The following GRIN2A variants were observed in gnomAD, a reference collection of about 807,000 sequenced individuals.
GRIN2A encodes the protein glutamate ionotropic receptor NMDA type subunit 2A.
Under a neutral mutation model 113.4 loss-of-function variants are expected in GRIN2A, and 22 were observed. The observed-to-expected ratio is 0.19, with a 90% confidence interval of 0.14 to 0.28. The LOEUF is 0.28. Among genes scored for constraint, GRIN2A ranks in the 10% least tolerant of loss-of-function variants. The probability of loss-of-function intolerance (pLI) is 1.00; values close to 1 mark genes in which losing one functional copy is unlikely to be tolerated. For synonymous variants in GRIN2A, 827 were observed against 738.4 expected (o/e 1.12, Z -1.94); for missense variants, 1,502 against 1,887.0 (o/e 0.80, Z 3.78).
At chr16:10,168,975 CAATAATAATAATAATAATAAT>C (rs59963663) in intron 2 of GRIN2A, among the ~76,000 whole-genome samples, 12 of 141,550 alleles carry the variant, frequency 8.5e-5, no homozygotes, top group African/African-American at 1.3e-4. Flanking sequence ...CAAATAATAA[CAATAATAATAATAATAATAAT>C]AATAATAATA....
At chr16:9,922,058 C>T (rs189163082) in intron 3 of GRIN2A, among the ~76,000 whole-genome samples, 184 of 152,218 alleles carry the variant, frequency 1.2e-3, no homozygotes, top group Non-Finnish European at 2.0e-3. Context: ...AGACTTTGAT[C>T]TAATTTAAAG....
At chr16:9,772,170 A>T (rs1476944676) in intron 11 of GRIN2A, among the ~76,000 whole-genome samples, 1 of 152,150 alleles carries the variant, frequency 6.6e-6, no homozygotes, top group South Asian at 2.1e-4. Context: ...ACAGCCTCCC[A>T]TGCTTTCGCA....
intron 2 of GRIN2A, among the ~76,000 whole-genome samples, chr16:10,052,293 A>T (rs1221589355): frequency 6.6e-6 from 1 of 152,224 alleles, no homozygotes; most frequent in Non-Finnish European, 1.5e-5. Context: ...TCCTTTAAAG[A>T]CCTGTGGGTT....
At position 10,180,346 on chromosome 16, in the gene GRIN2A, C is replaced by G. The variant is rs777986788; in HGVS notation, c.66G>C (p.Ala22=). 6.2e-7 allele frequency: 1 copy of G among 1,608,270 alleles called. No homozygotes were observed. The highest frequency in any genetic ancestry group is 1.1e-5 in the South Asian group (1 of 91,054). ...GACCCTTCTCCGCCGCCGCGCTCGG[C>G]GCCGGACCGCGCCAGACCAGAAGGG... The part of the protein sequence containing the change: ...LPALLVWRGP[A]PSAAAEKGPP... Residue 22 remains alanine, a synonymous_variant, in exon 2 of 13, where the codon GCG becomes GCC. Coordinates refer to ENST00000330684, the MANE Select transcript of GRIN2A (RefSeq NM_001134407.3). This position sits in a 1 kb window ranked among gnomAD's most constrained non-coding sequence, Gnocchi z 7.0.
Position 9,761,692 on chromosome 16 carries a change from G to A in GRIN2A, c.*1457C>T, listed in dbSNP as rs1403204354. 2 of 225,660 alleles carry A rather than the reference G, an allele frequency of 8.9e-6. No homozygotes were observed. The highest frequency in any genetic ancestry group is 4.5e-5 in the African/African-American group (2 of 44,862). 14.0% of individuals were successfully genotyped at this position (225,660 alleles called of 1,614,324 possible). A position where few individuals can be genotyped will look rare whatever the true frequency, so the allele number is the denominator to read the frequency against. On this transcript the variant is annotated 3_prime_UTR_variant, in exon 13 of 13. Coordinates refer to ENST00000330684, the MANE Select transcript of GRIN2A (RefSeq NM_001134407.3). The stretch of plus-strand genomic sequence containing the variant: ...GTGCTAACAGGCTCCCCATGCATAA[G>A]TATTCCCCTCTCTGTCTCTAACTTA...
intron 2 of GRIN2A, among the ~76,000 whole-genome samples, chr16:9,973,101 G>C (rs900619224): frequency 3.7e-4 from 57 of 152,178 alleles, no homozygotes; most frequent in Non-Finnish European, 1.2e-4. Flanking sequence ...TGATCCATCA[G>C]ATGAAGGGTC....
rs145874957 is a variant in GRIN2A at position 9,796,102 on chromosome 16, T to C, written c.2356+2175A>G. ...GTATGTAATGCATCCAGTATGATGA[T>C]TGACATACCCAAGTCCCTAAATATG... is the stretch of plus-strand genomic sequence containing the variant. On this transcript the variant is annotated intron_variant, in intron 11 of 12. Transcript: ENST00000330684. 1.4e-3 allele frequency among the ~76,000 whole-genome samples: 220 copies of C among 152,362 alleles called. 1 individual carries two copies. The highest frequency in any genetic ancestry group is 5.0e-3 in the African/African-American group (207 of 41,576).
At chr16:9,864,869 T>G (rs796530073) in intron 4 of GRIN2A, among the ~76,000 whole-genome samples, 5 of 152,328 alleles carry the variant, frequency 3.3e-5, no homozygotes, top group African/African-American at 9.6e-5. Flanking sequence ...GTTTTTGAGA[T>G]GGACATTTTC....
At chr16:9,979,961 T>C (rs2045860435) in intron 2 of GRIN2A, among the ~76,000 whole-genome samples, 1 of 151,594 alleles carries the variant, frequency 6.6e-6, no homozygotes, top group Non-Finnish European at 1.5e-5. Flanking sequence ...AAAATTCCCC[T>C]ATATAACTAG....
At chr16:10,083,741 G>A (rs930468936) in intron 2 of GRIN2A, among the ~76,000 whole-genome samples, 19 of 152,060 alleles carry the variant, frequency 1.2e-4, no homozygotes, top group Admixed American at 1.2e-3. Flanking sequence ...TTCTTTCTAT[G>A]AAGAGTCCTT....
chr16:9,893,747 A>T (rs1161475109), intron 3 of GRIN2A, among the ~76,000 whole-genome samples: 1 of 152,186 alleles, frequency 6.6e-6, no homozygotes, highest in African/African-American at 2.4e-5. Context: ...GATTACAGGC[A>T]TGAGCCACCA....
intron 2 of GRIN2A, among the ~76,000 whole-genome samples, chr16:10,051,878 G>C (rs138195925): frequency 1.3e-5 from 2 of 152,204 alleles, no homozygotes; most frequent in Admixed American, 6.5e-5. Flanking sequence ...AGGGTAATGG[G>C]ATTAGGTAGG....
At chr16:10,076,658 C>T (rs1567281335) in intron 2 of GRIN2A, among the ~76,000 whole-genome samples, 2 of 152,180 alleles carry the variant, frequency 1.3e-5, no homozygotes, top group African/African-American at 4.8e-5. Flanking sequence ...CCAAGTTCTA[C>T]CTCAAGCAGC....
chr16:10,109,975 T>C lies in GRIN2A; in HGVS notation c.414+70023A>G, dbSNP rs1346360527. ...TGCAGGTTAGTTACATATGTATACATGTGCCATGCTGGTGTGCTGCATCCA... is the reference window on the plus strand; with the variant it reads ...TGCAGGTTAGTTACATATGTATACACGTGCCATGCTGGTGTGCTGCATCCA... On this transcript the variant is annotated intron_variant, in intron 2 of 12. Coordinates refer to ENST00000330684, the MANE Select transcript of GRIN2A (RefSeq NM_001134407.3). 6.6e-5 allele frequency among the ~76,000 whole-genome samples: 10 copies of C among 152,158 alleles called. No individual in the cohort carries two copies. In the East Asian group the frequency reaches 1.9e-3, roughly 29 times the overall value.
Position 10,008,549 on chromosome 16 carries a change from A to G in GRIN2A, c.415-69998T>C, listed in dbSNP as rs1033692097. On this transcript the variant is annotated intron_variant, in intron 2 of 12. Transcript: ENST00000330684. ...ACTGTGATTCTTCCCTGAGCATACA[A>G]TAAACCAACTAGGCAATGTTTACCC... 2.0e-5 allele frequency among the ~76,000 whole-genome samples: 3 copies of G among 152,212 alleles called. No individual in the cohort carries two copies. The South Asian group carries it at 6.2e-4, about 32-fold the overall frequency.
intron 2 of GRIN2A, among the ~76,000 whole-genome samples, chr16:10,036,453 T>TC (rs2047030169): frequency 3.3e-5 from 2 of 60,354 alleles, no homozygotes; most frequent in Non-Finnish European, 3.1e-5. Flanking sequence ...TTTTTTCTTT[T>TC]TTTTTTTTTT....
intron 2 of GRIN2A, chr16:10,111,993 C>A (rs1596518369): frequency 1.5e-5 from 10 of 673,318 alleles, no homozygotes; most frequent in South Asian, 1.1e-4. Context: ...TTCAGCCTAG[C>A]AAGGGAAGCT....
At chr16:10,004,467 G>A (rs558573439) in intron 2 of GRIN2A, among the ~76,000 whole-genome samples, 141 of 152,194 alleles carry the variant, frequency 9.3e-4, no homozygotes, top group African/African-American at 3.3e-3. Context: ...GTTTAAAACA[G>A]TGTACATTTA....
intron 2 of GRIN2A, among the ~76,000 whole-genome samples, chr16:10,057,500 T>C (rs1448258): frequency 0.55 from 83,575 of 151,976 alleles, 24,068 homozygotes; most frequent in East Asian, 0.96. Context: ...TTATCAATTT[T>C]GTTGAATTCT....
Sources: allele counts gnomAD v4.1 joint callset (sites outside exome capture counted in the v4.1 genomes callset), GRCh38; gene constraint gnomAD v4.1.1; non-coding constraint Gnocchi (gnomAD v3.1); transcripts MANE v1.5; gene names NCBI Gene and HGNC (gene_info 2026-07-23, HGNC 2026-07-21).